ENO3: variants seen among roughly 807,000 people sequenced by gnomAD.
ENO3 encodes the protein enolase 3.
A neutral mutation model predicts 47.7 loss-of-function variants in ENO3; 46 were observed. The ratio of observed to expected loss-of-function variants is 0.96; its 90% CI spans 0.76 to 1.23. The LOEUF is 1.23. Among genes scored for constraint, ENO3 ranks in the 50% most tolerant of loss-of-function variants. The pLI is 0.00. For missense variants in ENO3, 575 were observed against 566.2 expected (o/e 1.02, Z -0.16); for synonymous variants, 223 against 225.9 (o/e 0.99, Z 0.11).
rs192217367 is a variant in ENO3 at position 4,955,035 on chromosome 17, A to G, written c.445-40A>G. ...CGCCCCTGTCCCTTCTTGAGCTCTC[A>G]TGCCCCGGCCCAGGTCCAGACACCC... On this transcript the variant is annotated intron_variant, in intron 6 of 11. Coordinates refer to ENST00000519602, the MANE Select transcript of ENO3 (RefSeq NM_053013.4). 0.014 allele frequency: 22,003 copies of G among 1,539,220 alleles called. 216 individuals are homozygous for G. Among genetic ancestry groups the G allele is most frequent in the Non-Finnish European group, 0.016 (17,959 of 1,128,274 alleles).
rs377314864 is a variant in ENO3 at position 4,952,335 on chromosome 17, C to T, written c.85+421C>T. On this transcript the variant is annotated intron_variant, in intron 2 of 11. Transcript: ENST00000519602. ...GGGATTACAGGCCTGTGCCATCACG[C>T]CCAGCTAATTTTTTTTTTTTTTTTT... 20 of 331,742 alleles carry T rather than the reference C, an allele frequency of 6.0e-5. 1 individual carries two copies. The highest frequency in any genetic ancestry group is 5.1e-4 in the Admixed American group (11 of 21,396). 20.5% of individuals were successfully genotyped at this position (331,742 alleles called of 1,614,324 possible). A position where few individuals can be genotyped will look rare whatever the true frequency, so the allele number is the denominator to read the frequency against.
At chr17:4,949,204 A>G (rs1006481198), upstream of ENO3, 2 of 152,188 alleles carry the variant, frequency 1.3e-5, no homozygotes, top group Admixed American at 6.5e-5. Context: ...GAAAGCAAAG[A>G]AGAGTTTGGC....
chr17:4,951,840 A>C lies in ENO3; in HGVS notation c.11A>C (p.Gln4Pro), dbSNP rs138211167. Residue 4 changes from glutamine (Q) to proline (P), a missense_variant, in exon 2 of 12, where the codon CAG becomes CCG. Coordinates refer to ENST00000519602, the MANE Select transcript of ENO3 (RefSeq NM_053013.4). ...TCCTGTCCTGCAGCCATGGCCATGC[A>C]GAAAATCTTTGCCCGGGAAATCTTG... MAM[Q>P]KIFAREILDS... 96 of 1,614,086 alleles carry C rather than the reference A, an allele frequency of 5.9e-5. No individual in the cohort carries two copies. The highest frequency in any genetic ancestry group is 7.9e-5 in the Non-Finnish European group (93 of 1,180,018).
rs1356547198 is a variant in ENO3, at chr17:4,953,782, G to T, written c.381G>T (p.Gly127=). 6.2e-7 allele frequency: 1 copy of T among 1,614,162 alleles called. No individual in the cohort carries two copies. The highest frequency in any genetic ancestry group is 2.2e-5 in the East Asian group (1 of 44,874). The change falls in exon 6 of 12, where the codon GGG becomes GGT. Residue 127 remains glycine, a synonymous_variant. Transcript: ENST00000519602. The stretch of plus-strand genomic sequence containing the variant: ...GTAAGGCGGGAGCAGCTGAGAAGGG[G>T]GTCCCCCTGTACCGCCACATCGCAG... The part of the protein sequence containing the change: ...AVCKAGAAEK[G]VPLYRHIADL...
intron 6 of ENO3, chr17:4,954,169 C>T (rs1339741152): frequency 6.8e-6 from 3 of 438,598 alleles, no homozygotes; most frequent in African/African-American, 2.0e-5. Flanking sequence ...AAGATCTTGG[C>T]ATTTCTTTGT....
chr17:4,952,880 C>T lies in ENO3; in HGVS notation c.171C>T (p.Tyr57=). Residue 57 remains tyrosine, a synonymous_variant, in exon 3 of 12, where the codon TAC becomes TAT. Coordinates refer to ENST00000519602, the MANE Select transcript of ENO3 (RefSeq NM_053013.4). ...LELRDGDKGR[Y]LGKGVLKAVE... is the part of the protein sequence containing the mutation. ...TAAGAGACGGAGACAAAGGCCGCTA[C>T]CTGGGGAAAGGTGAGGAGACACCAG... The T allele has an allele frequency of 6.2e-7, 1 of 1,612,390 alleles. No individual in the cohort carries two copies. Among genetic ancestry groups the T allele is most frequent in the Non-Finnish European group, 8.5e-7 (1 of 1,179,102 alleles).
chr17:4,956,221 C>T lies in ENO3; in HGVS notation c.1067+78C>T, dbSNP rs1022526849. 2.6e-5 allele frequency: 40 copies of T among 1,526,200 alleles called. No homozygotes were observed. The African/African-American group carries it at 4.8e-4, about 18-fold the overall frequency. The allele number at this position is 1,526,200 out of a possible 1,614,324, so 94.5% of individuals were successfully genotyped here. ...TGCCCACTCCAGCTACAGTCTTACC[C>T]ACCAACTCCAAGCTTACCTTTCCCC... is the stretch of plus-strand genomic sequence containing the variant. On this transcript the variant is annotated intron_variant, in intron 9 of 11. Transcript: ENST00000519602.
rs1330078646 is a variant in ENO3 at position 4,955,159 on chromosome 17, T to C, written c.529T>C (p.Ser177Pro). 3 of 1,614,112 alleles carry C rather than the reference T, an allele frequency of 1.9e-6. No individual in the cohort carries two copies. Among genetic ancestry groups the C allele is most frequent in the Middle Eastern group, 1.6e-4 (1 of 6,084 alleles). ...EFMILPVGAS[S>P]FKEAMRIGAE... ...CATGATTCTGCCTGTGGGAGCCAGC[T>C]CCTTCAAGGAAGCCATGCGCATTGG... is the stretch of plus-strand genomic sequence containing the variant. The change falls in exon 7 of 12, where the codon TCC (serine) becomes CCC (proline). Residue 177 changes from serine to proline, a missense_variant. Ser to Pro is a moderately conservative substitution (Grantham distance 74). Transcript: ENST00000519602.
At chr17:4,952,281 A>G (rs1255591417) in intron 2 of ENO3, 2 of 362,406 alleles carry the variant, frequency 5.5e-6, no homozygotes, top group Admixed American at 3.8e-5. Context: ...GGTTTAAGTG[A>G]TTCTTGTGCC....
At chr17:4,949,571 G>GT (rs1237576535), upstream of ENO3, among the ~76,000 whole-genome samples, 1 of 145,682 alleles carries the variant, frequency 6.9e-6, no homozygotes, top group East Asian at 2.2e-4. Context: ...GGCCCTTTGG[G>GT]TTTCTTCGCA....
chr17:4,952,027 T>C (rs1276118819), intron 2 of ENO3, 113 bp downstream of exon 2: 1 of 1,198,438 alleles, frequency 8.3e-7, no homozygotes, highest in South Asian at 1.3e-5. Context: ...TTTCCCAGAC[T>C]TCTTCCCAAG....
intron 6 of ENO3, 100 bp from the exon 7 acceptor site, chr17:4,954,975 A>T: frequency 9.9e-7 from 1 of 1,014,146 alleles, no homozygotes; most frequent in Non-Finnish European, 1.5e-6. Context: ...CTGAGCTAGT[A>T]AGTAGGGAAG....
intron 9 of ENO3, 139 bp from the exon 10 acceptor site, chr17:4,956,434 C>G: frequency 1.1e-6 from 1 of 887,156 alleles, no homozygotes; most frequent in Non-Finnish European, 1.9e-6. Context: ...CTTTTCCTCT[C>G]CTACTTCCCA....
chr17:4,953,754 TGTGTAA>T lies in ENO3; in HGVS notation c.355_360del (p.Cys119_Lys120del). The T allele has an allele frequency of 6.2e-7, 1 of 1,614,218 alleles. No homozygotes were observed. Among genetic ancestry groups the T allele is most frequent in the Non-Finnish European group, 8.5e-7 (1 of 1,180,042 alleles). ...GCCATCCTGGGCGTGTCCTTGGCCG[TGTGTAA>T]GGCGGGAGCAGCTGAGAAGGGGGTC... is the stretch of plus-strand genomic sequence containing the variant. On this transcript the variant is annotated inframe_deletion, in exon 6 of 12. Coordinates refer to ENST00000519602, the MANE Select transcript of ENO3 (RefSeq NM_053013.4).
At chr17:4,950,818 T>A (rs933984067), upstream of ENO3, among the ~76,000 whole-genome samples, 3 of 152,160 alleles carry the variant, frequency 2.0e-5, no homozygotes, top group East Asian at 5.8e-4. Flanking sequence ...CTCTTGACGT[T>A]TGCAAAAGGG....
chr17:4,949,814 C>T (rs1300975722), upstream of ENO3, among the ~76,000 whole-genome samples: 2 of 152,142 alleles, frequency 1.3e-5, no homozygotes, highest in African/African-American at 4.8e-5. Context: ...CCACAGTCCC[C>T]GACGCCCCTC....
chr17:4,955,769 C>T (rs1444003991), intron 8 of ENO3, 165 bp downstream of exon 8: 10 of 1,297,394 alleles, frequency 7.7e-6, no homozygotes, highest in Non-Finnish European at 1.1e-5. Flanking sequence ...CATGAGGCTC[C>T]TTCTGACCTC....
In ENO3 at chr17:4,953,906, A is replaced by T. The variant is rs1300642025; in HGVS notation, c.444+61A>T. On this transcript the variant is annotated intron_variant, in intron 6 of 11. Transcript: ENST00000519602. ...TGGACAGAGCCAACCCCGCCCAGCC[A>T]GGGTTGGCCCCCCTGGAAAATCCAC... 3.1e-6 allele frequency: 5 copies of T among 1,612,410 alleles called. No homozygotes were observed. In the South Asian group the frequency reaches 5.5e-5, roughly 18 times the overall value.
intron 5 of ENO3, 119 bp downstream of exon 5, chr17:4,953,460 ATGGATTTG>A: frequency 6.8e-7 from 1 of 1,470,326 alleles, no homozygotes; most frequent in Non-Finnish European, 9.5e-7. Context: ...CCGCAGCTGG[ATGGATTTG>A]TGTTCATTCC....
Sources: allele counts gnomAD v4.1 joint callset (sites outside exome capture counted in the v4.1 genomes callset), GRCh38; gene constraint gnomAD v4.1.1; transcripts MANE v1.5; gene names NCBI Gene and HGNC (gene_info 2026-07-23, HGNC 2026-07-21).